HSPG2: variants seen among roughly 807,000 people sequenced by gnomAD.
The protein encoded by HSPG2 is heparan sulfate proteoglycan 2.
Under a neutral mutation model 526.6 loss-of-function variants are expected in HSPG2, and 278 were observed. The observed-to-expected ratio is 0.53, with a 90% CI of 0.48 to 0.58. The LOEUF is 0.58. Ranked by LOEUF, HSPG2 falls within the 20% of genes least tolerant of loss-of-function variation. HSPG2 has a pLI of 0.00. For missense variants in HSPG2, 5,354 were observed against 6,099.5 expected, an observed-to-expected ratio of 0.88 and a Z score of 4.07; for synonymous variants, 2,465 against 2,555.4, an observed-to-expected ratio of 0.96 and a Z score of 1.07.
At position 21,878,980 on chromosome 1, in the gene HSPG2, G is replaced by C. The variant is rs1297676605; in HGVS notation, c.2471+14C>G. On this transcript the variant is annotated intron_variant, in intron 18 of 96. Coordinates refer to ENST00000374695, the MANE Select transcript of HSPG2 (RefSeq NM_005529.7). ...CCCCAGCCAAACCCCCCCTGACCCGGAGCTGGGGCTGACCTGCGGGAGGCA... is the reference window on the plus strand; with the variant it reads ...CCCCAGCCAAACCCCCCCTGACCCGCAGCTGGGGCTGACCTGCGGGAGGCA... The C allele has an allele frequency of 5.6e-6, 9 of 1,612,224 alleles. No individual in the cohort carries two copies. Among genetic ancestry groups the C allele is most frequent in the Non-Finnish European group, 7.6e-6 (9 of 1,179,010 alleles).
At position 21,890,058 on chromosome 1, in the gene HSPG2, A is replaced by G; in HGVS notation, c.497T>C (p.Leu166Pro). ...CACAGAGCCGCTGGAGATGACCCTG[A>G]GCAGCATCTCCTGAATCTGAGCCCC... Reference protein sequence around the residue: ...ADGAQIQEMLLRVISSGSVAS... With the variant: ...ADGAQIQEMLPRVISSGSVAS... The change falls in exon 6 of 97, where the codon CTC becomes CCC. Residue 166 changes from leucine (L) to proline (P), a missense_variant. Transcript: ENST00000374695. The surrounding 1 kb of genome is among the most constrained non-coding windows in gnomAD (Gnocchi z 4.1). The G allele has an allele frequency of 2.5e-6, 4 of 1,613,958 alleles. No homozygotes were observed. The highest frequency in any genetic ancestry group is 3.4e-6 in the Non-Finnish European group (4 of 1,179,870).
At chr1:21,874,566 C>T in intron 27 of HSPG2, 33 bp from the exon 28 acceptor site, 1 of 1,613,840 alleles carries the variant, frequency 6.2e-7, no homozygotes, top group Non-Finnish European at 8.5e-7. Flanking sequence ...GAGGCTGGGC[C>T]TCCAGAGGCC....
At chr1:21,844,005 C>T in intron 65 of HSPG2, 143 bp downstream of exon 65, 1 of 1,129,802 alleles carries the variant, frequency 8.9e-7, no homozygotes, top group Non-Finnish European at 1.3e-6. Context: ...GCCCAGCCCG[C>T]TCTCAACTTC....
chr1:21,904,591 G>A lies in HSPG2; in HGVS notation c.64-8281C>T, dbSNP rs1029627970. Among the ~76,000 whole-genome samples the A allele has an allele frequency of 9.9e-5, 15 of 152,210 alleles. No individual in the cohort carries two copies. The highest frequency in any genetic ancestry group is 2.1e-4 in the Non-Finnish European group (14 of 68,046). On this transcript the variant is annotated intron_variant, in intron 1 of 96. Coordinates refer to ENST00000374695, the MANE Select transcript of HSPG2 (RefSeq NM_005529.7). The surrounding 1 kb of genome is among the most constrained non-coding windows in gnomAD (Gnocchi z 4.4). ...ACCCCAAGATTAGGTCTCCCCTGGT[G>A]GCTGAATGAGCTGCCTGCCAGCTTA...
At chr1:21,919,919 T>C (rs898561912) in intron 1 of HSPG2, among the ~76,000 whole-genome samples, 4 of 152,232 alleles carry the variant, frequency 2.6e-5, no homozygotes, top group African/African-American at 4.8e-5. Context: ...CTGTTTTTTC[T>C]TTTTTGAGAC....
intron 37 of HSPG2, among the ~76,000 whole-genome samples, chr1:21,863,060 C>CAAAAACAAAACAAAAAA (rs1423127350): frequency 3.2e-5 from 1 of 31,232 alleles, no homozygotes; most frequent in African/African-American, 1.5e-4. Context: ...GACTCCATCT[C>CAAAAACAAAACAAAAAA]AAAAAAAAAA....
chr1:21,857,398 G>A lies in HSPG2; in HGVS notation c.5294-13C>T, dbSNP rs759751709. 10 of 1,612,038 alleles carry A rather than the reference G, an allele frequency of 6.2e-6. No individual in the cohort carries two copies. The highest frequency in any genetic ancestry group is 8.5e-6 in the Non-Finnish European group (10 of 1,179,156). On this transcript the variant is annotated splice_polypyrimidine_tract_variant and intron_variant, in intron 42 of 96. Coordinates refer to ENST00000374695, the MANE Select transcript of HSPG2 (RefSeq NM_005529.7). Reference sequence around the variant, plus strand: ...TTGCTTGGAGCCTCTGCAGGGACGGGAAGCCCCCCTGTGAGCCGGTGCTGG... The same window carrying A: ...TTGCTTGGAGCCTCTGCAGGGACGGAAAGCCCCCCTGTGAGCCGGTGCTGG...
In HSPG2 at chr1:21,898,403, GCCTGTGGACTTCTAGGCTGTGC is replaced by G. The variant is rs910462947; in HGVS notation, c.64-2115_64-2094del. 6.6e-6 allele frequency among the ~76,000 whole-genome samples: 1 copy of G among 152,194 alleles called. No homozygotes were observed. The highest frequency in any genetic ancestry group is 2.4e-5 in the African/African-American group (1 of 41,442). On this transcript the variant is annotated intron_variant, in intron 1 of 96. Coordinates refer to ENST00000374695, the MANE Select transcript of HSPG2 (RefSeq NM_005529.7). This position sits in a 1 kb window ranked among gnomAD's most constrained non-coding sequence, Gnocchi z 4.0. ...CCTCTCCCTGTCCTCCTGAGTGCTG[GCCTGTGGACTTCTAGGCTGTGC>G]CCGTGGGATGCGCATTCAGGAGTGT...
rs1178667992 is a variant in HSPG2 at position 21,876,050 on chromosome 1, C to A, written c.3004-8G>T. On this transcript the variant is annotated splice_polypyrimidine_tract_variant and splice_region_variant and intron_variant, in intron 23 of 96. Transcript: ENST00000374695. ...TCCTCCATAGGAGGTCACCTGGGACCAGGGTTAGACAGGAGCTTGCGGAGG... is the reference window on the plus strand; with the variant it reads ...TCCTCCATAGGAGGTCACCTGGGACAAGGGTTAGACAGGAGCTTGCGGAGG... The A allele has an allele frequency of 1.1e-5, 17 of 1,613,710 alleles. No individual in the cohort carries two copies. The highest frequency in any genetic ancestry group is 1.4e-5 in the Non-Finnish European group (17 of 1,179,886).
intron 1 of HSPG2, among the ~76,000 whole-genome samples, chr1:21,927,761 C>G (rs1292987382): frequency 6.6e-6 from 1 of 152,194 alleles, no homozygotes; most frequent in Non-Finnish European, 1.5e-5. Flanking sequence ...CTCTGTCCTA[C>G]AGCTGCGGCC....
In HSPG2 at chr1:21,872,490, G is replaced by C. The variant is rs1640728465; in HGVS notation, c.4030-113C>G. 1 of 1,410,944 alleles carries C rather than the reference G, an allele frequency of 7.1e-7. No individual in the cohort carries two copies. The highest frequency in any genetic ancestry group is 2.0e-5 in the Admixed American group (1 of 50,730). 87.4% of individuals were successfully genotyped at this position (1,410,944 alleles called of 1,614,324 possible). A position where few individuals can be genotyped will look rare whatever the true frequency, so the allele number is the denominator to read the frequency against. On this transcript the variant is annotated intron_variant, in intron 32 of 96. Coordinates refer to ENST00000374695, the MANE Select transcript of HSPG2 (RefSeq NM_005529.7). This position sits in a 1 kb window ranked among gnomAD's most constrained non-coding sequence, Gnocchi z 5.5. Reference sequence around the variant, plus strand: ...ATGGGGTCCTGTTGAGATCAGGACTGCGAGAGAAATAATGGGGGCATGTGA... The same window carrying C: ...ATGGGGTCCTGTTGAGATCAGGACTCCGAGAGAAATAATGGGGGCATGTGA...
Position 21,823,799 on chromosome 1 carries a change from A to AT in HSPG2, c.12900-81dup, listed in dbSNP as rs1475769482. 1.9e-5 allele frequency: 20 copies of AT among 1,061,764 alleles called. No homozygotes were observed. In the Admixed American group the frequency reaches 3.5e-4, roughly 19 times the overall value. 65.8% of individuals were successfully genotyped at this position (1,061,764 alleles called of 1,614,324 possible). On this transcript the variant is annotated intron_variant, in intron 95 of 96. Transcript: ENST00000374695. ...CCCACGACAGAGTCCCCTCCCTCTG[A>AT]TATCGAGACTCCAGACTCAGAAGTC...
rs1641275410 is a variant in HSPG2 at position 21,878,605 on chromosome 1, G to C, written c.2530C>G (p.Pro844Ala). 3.1e-6 allele frequency: 5 copies of C among 1,614,004 alleles called. No homozygotes were observed. The East Asian group carries it at 1.1e-4, about 36-fold the overall frequency. ...DGQATCDACA[P>A]GYTGRRCESC... ...TCACAGCGGCGGCCAGTGTAGCCTG[G>C]GGCACAGGCGTCACATGTGGCTTGG... Residue 844 changes from proline to alanine, a missense_variant, in exon 19 of 97, where the codon CCA becomes GCA. Physicochemically the swap from Pro to Ala is conservative, Grantham distance 27. Coordinates refer to ENST00000374695, the MANE Select transcript of HSPG2 (RefSeq NM_005529.7).
chr1:21,833,435 G>A lies in HSPG2; in HGVS notation c.10978+32C>T, dbSNP rs375016145. 12 of 1,613,956 alleles carry A rather than the reference G, an allele frequency of 7.4e-6. No homozygotes were observed. In the African/African-American group the frequency reaches 1.5e-4, roughly 20 times the overall value. Reference sequence around the variant, plus strand: ...ACCCTGCCAGTCAGGGAGTGGGCAGGGCACTGCCAATTCTTAGGGGTGGTG... The same window carrying A: ...ACCCTGCCAGTCAGGGAGTGGGCAGAGCACTGCCAATTCTTAGGGGTGGTG... On this transcript the variant is annotated intron_variant, in intron 79 of 96. Coordinates refer to ENST00000374695, the MANE Select transcript of HSPG2 (RefSeq NM_005529.7).
Position 21,830,072 on chromosome 1 carries a change from G to A in HSPG2, c.11691C>T (p.Ala3897=), listed in dbSNP as rs1234802585. Residue 3897 remains alanine, a synonymous_variant, in exon 86 of 97, where the codon GCC becomes GCT. Coordinates refer to ENST00000374695, the MANE Select transcript of HSPG2 (RefSeq NM_005529.7). ...HCHPEACGPD[A]TCVNRPDGRG... is the part of the protein sequence containing the mutation. The stretch of plus-strand genomic sequence containing the variant: ...GACCGTCAGGCCGGTTCACACAGGT[G>A]GCGTCGGGCCCACAGGCCTCTGGGG... 2.5e-6 allele frequency: 4 copies of A among 1,601,036 alleles called. No homozygotes were observed. The highest frequency in any genetic ancestry group is 3.4e-6 in the Non-Finnish European group (4 of 1,175,334).
intron 1 of HSPG2, among the ~76,000 whole-genome samples, chr1:21,919,842 G>A (rs1021318979): frequency 3.9e-5 from 6 of 152,156 alleles, no homozygotes; most frequent in Middle Eastern, 3.2e-3. Context: ...TAGGCCCTCC[G>A]TAAAAGTGAG....
rs189754659 is a variant in HSPG2, at chr1:21,844,139, C to T, written c.8616+9G>A. On this transcript the variant is annotated intron_variant, in intron 65 of 96. Transcript: ENST00000374695. ...GGAGGATGCATGCATCCTTCTCCAG[C>T]TCCTTTACCTGGTGCCGGGCAGGGA... The T allele has an allele frequency of 1.5e-5, 24 of 1,612,516 alleles. No individual in the cohort carries two copies. In the African/African-American group the frequency reaches 1.6e-4, roughly 11 times the overall value.
chr1:21,884,031 C>G (rs764293304), intron 13 of HSPG2, among the ~76,000 whole-genome samples: 6 of 152,248 alleles, frequency 3.9e-5, no homozygotes, highest in Non-Finnish European at 7.3e-5. Context: ...TCTGGGTACA[C>G]TGGCACCTCT....
At chr1:21,899,821 T>C (rs567362632) in intron 1 of HSPG2, among the ~76,000 whole-genome samples, 1 of 152,260 alleles carries the variant, frequency 6.6e-6, no homozygotes, top group East Asian at 1.9e-4. Context: ...GGAGCTGGCA[T>C]CCCACCCCAA....
Sources: allele counts gnomAD v4.1 joint callset (sites outside exome capture counted in the v4.1 genomes callset), GRCh38; gene constraint gnomAD v4.1.1; non-coding constraint Gnocchi (gnomAD v3.1); transcripts MANE v1.5; gene names NCBI Gene and HGNC (gene_info 2026-07-23, HGNC 2026-07-21).